The following PLCH2 variants were observed in gnomAD, a reference collection of about 807,000 sequenced individuals.
PLCH2 encodes the protein phospholipase C eta 2.
A neutral mutation model predicts 134.7 loss-of-function variants in PLCH2; 98 were observed. The ratio of observed to expected loss-of-function variants is 0.73; its 90% CI spans 0.62 to 0.86. PLCH2 has a LOEUF of 0.86. Ranked by LOEUF, PLCH2 falls within the 40% of genes least tolerant of loss-of-function variation. PLCH2 has a pLI of 0.00. For missense variants in PLCH2, 1,994 were observed against 1,986.6 expected (o/e 1.00, Z -0.07); for synonymous variants, 974 against 827.5 (o/e 1.18, Z -3.04).
chr1:2,504,271 G>A lies in PLCH2; in HGVS notation c.3309G>A (p.Glu1103=), dbSNP rs554728664. 1.9e-6 allele frequency: 3 copies of A among 1,592,586 alleles called. No individual in the cohort carries two copies. In the South Asian group the frequency reaches 3.4e-5, roughly 18 times the overall value. The change falls in exon 22 of 22, where the codon GAG becomes GAA. Residue 1103 remains glutamate, a synonymous_variant. Transcript: ENST00000378486. ...RVKSEGQVPT[E]PLGGWRPLAA... ...AGAGTGAGGGGCAGGTGCCCACGGAGCCCCTGGGAGGGTGGCGGCCCCTGG... is the reference window on the plus strand; with the variant it reads ...AGAGTGAGGGGCAGGTGCCCACGGAACCCCTGGGAGGGTGGCGGCCCCTGG...
At chr1:2,423,466 G>T (rs894769165), upstream of PLCH2, among the ~76,000 whole-genome samples, 4 of 152,210 alleles carry the variant, frequency 2.6e-5, no homozygotes, top group African/African-American at 7.2e-5. Context: ...AGACAGCAGG[G>T]TTTGCAGCAG....
At chr1:2,454,529 T>G (rs1195234687) in intron 2 of PLCH2, among the ~76,000 whole-genome samples, 1 of 152,140 alleles carries the variant, frequency 6.6e-6, no homozygotes, top group Non-Finnish European at 1.5e-5. Flanking sequence ...GAACCAGCAA[T>G]GCACCGAGTG....
Position 2,439,249 on chromosome 1 carries a change from C to T in PLCH2, c.115+8620C>T, listed in dbSNP as rs961293031. 1.3e-5 allele frequency among the ~76,000 whole-genome samples: 2 copies of T among 152,154 alleles called. No individual in the cohort carries two copies. Among genetic ancestry groups the T allele is most frequent in the Non-Finnish European group, 2.9e-5 (2 of 68,036 alleles). On this transcript the variant is annotated intron_variant, in intron 2 of 3. Coordinates refer to the PLCH2 transcript ENST00000609981. This position sits in a 1 kb window ranked among gnomAD's most constrained non-coding sequence, Gnocchi z 4.7. The stretch of plus-strand genomic sequence containing the variant: ...AGTGCCTATAAAGACCTTTGGCCCC[C>T]CCGAGGGTGTCCTCACCCTTCTCGC...
chr1:2,483,634 T>C (rs1379734972), intron 4 of PLCH2, among the ~76,000 whole-genome samples: 2 of 152,076 alleles, frequency 1.3e-5, no homozygotes, highest in Non-Finnish European at 2.9e-5. Flanking sequence ...TCCTTAGGGC[T>C]CAAGGATTTC....
chr1:2,480,162 G>A (rs757919130), intron 3 of PLCH2, 21 bp from the exon 4 acceptor site: 4 of 1,612,354 alleles, frequency 2.5e-6, no homozygotes, highest in Non-Finnish European at 3.4e-6. Context: ...GATCGCTGTT[G>A]GCCCCTAACT....
Position 2,484,439 on chromosome 1 carries a change from G to A in PLCH2, c.646-9G>A, listed in dbSNP as rs757233993. The A allele has an allele frequency of 2.7e-5, 43 of 1,612,846 alleles. No homozygotes were observed. The South Asian group carries it at 2.9e-4, about 11-fold the overall frequency. ...GGTGCCAATGGGGACCCAAGGCCTT[G>A]CATTGCAGGAAGCGGACACGGATGA... On this transcript the variant is annotated splice_polypyrimidine_tract_variant and intron_variant, in intron 4 of 21. Coordinates refer to ENST00000378486, the MANE Select transcript of PLCH2 (RefSeq NM_014638.4).
intron 2 of PLCH2, among the ~76,000 whole-genome samples, chr1:2,459,458 TGGTGG>T (rs1640677085): frequency 2.0e-5 from 1 of 50,136 alleles, no homozygotes; most frequent in Non-Finnish European, 3.9e-5. Flanking sequence ...TCCTCCTTCC[TGGTGG>T]TTCTCCTTCC....
chr1:2,490,434 G>A (rs139326008), intron 10 of PLCH2, among the ~76,000 whole-genome samples: 40 of 152,018 alleles, frequency 2.6e-4, no homozygotes, highest in African/African-American at 9.1e-4. Flanking sequence ...GGGCCAGGGT[G>A]GGGGGCTGCA....
At chr1:2,468,478 G>A (rs1242992472) in intron 1 of PLCH2, among the ~76,000 whole-genome samples, 1 of 96,446 alleles carries the variant, frequency 1.0e-5, no homozygotes, top group Non-Finnish European at 1.8e-5. Flanking sequence ...CTGGGGCAGG[G>A]TCTACAGCTC....
At position 2,503,923 on chromosome 1, in the gene PLCH2, CA is replaced by C; in HGVS notation, c.2962del (p.Thr988ProfsTer58). On this transcript the variant is annotated frameshift_variant and splice_region_variant, in exon 22 of 22. Coordinates refer to ENST00000378486, the MANE Select transcript of PLCH2 (RefSeq NM_014638.4). LOFTEE classifies it high-confidence loss of function. ...EGPGSGSPRD[T>X]RPLSTQRPLP... ...TCTCACTCCCCCACCTCCCCACAGACACCCGCCCCCTCTCCACGCAGCGGCC... is the reference window on the plus strand; with the variant it reads ...TCTCACTCCCCCACCTCCCCACAGACCCCGCCCCCTCTCCACGCAGCGGCC... 1.1e-6 allele frequency: 1 copy of C among 876,026 alleles called. No homozygotes were observed. Among genetic ancestry groups the C allele is most frequent in the Non-Finnish European group, 1.8e-6 (1 of 563,996 alleles). 54.3% of individuals were successfully genotyped at this position (876,026 alleles called of 1,614,324 possible).
In PLCH2 at chr1:2,480,252, G is replaced by T. The variant is rs1641889534; in HGVS notation, c.585G>T (p.Leu195=). 6.2e-7 allele frequency: 1 copy of T among 1,612,788 alleles called. No individual in the cohort carries two copies. Among genetic ancestry groups the T allele is most frequent in the South Asian group, 1.1e-5 (1 of 91,082 alleles). The change falls in exon 4 of 22, where the codon CTG becomes CTT. Residue 195 remains leucine (L), a synonymous_variant. Coordinates refer to ENST00000378486, the MANE Select transcript of PLCH2 (RefSeq NM_014638.4). ...GCAGCCTGAGCATTGGCGAGGTCCT[G>T]CAGCTGCTGCACAAGCTCAACGTGA... ...GDGSLSIGEV[L]QLLHKLNVNL...
chr1:2,418,223 T>C, the PLCH2 span, among the ~76,000 whole-genome samples: 1 of 152,214 alleles, frequency 6.6e-6, no homozygotes, highest in African/African-American at 2.4e-5. Context: ...TTTTGTTTTT[T>C]GGAAACTGCA....
At chr1:2,503,456 GC>G in intron 21 of PLCH2, 1 of 602,902 alleles carries the variant, frequency 1.7e-6, no homozygotes, top group Admixed American at 2.9e-5. Flanking sequence ...GATTCCCTGG[GC>G]CCCAGGGCTT....
chr1:2,491,096 T>TAGA (rs1642551748), intron 10 of PLCH2, 96 bp from the exon 11 acceptor site: 2 of 1,235,374 alleles, frequency 1.6e-6, no homozygotes, highest in Non-Finnish European at 2.2e-6. Context: ...TCCCTGAGCC[T>TAGA]GGGGTGGGCA....
chr1:2,417,699 G>A, the PLCH2 span, among the ~76,000 whole-genome samples: 2 of 152,188 alleles, frequency 1.3e-5, no homozygotes, highest in African/African-American at 4.8e-5. Context: ...GGGCACCTGG[G>A]AGCCACCTCC....
Position 2,502,075 on chromosome 1 carries a change from C to T in PLCH2, c.2662-37C>T, listed in dbSNP as rs947421429. 7.1e-6 allele frequency: 10 copies of T among 1,411,044 alleles called. No homozygotes were observed. In the South Asian group the frequency reaches 1.4e-4, roughly 19 times the overall value. The allele number at this position is 1,411,044 out of a possible 1,614,324, so 87.4% of individuals were successfully genotyped here. ...GGGAGCAGCTGCAGCTGGGCTGGGA[C>T]CCCTGGCAACAGCTACATGGGCTCC... On this transcript the variant is annotated intron_variant, in intron 20 of 21. Coordinates refer to ENST00000378486, the MANE Select transcript of PLCH2 (RefSeq NM_014638.4).
chr1:2,446,707 AGAGCTGGCCAACCTGGGCCCAT>A (rs1318941745), intron 2 of PLCH2, among the ~76,000 whole-genome samples: 1 of 152,178 alleles, frequency 6.6e-6, no homozygotes, highest in Non-Finnish European at 1.5e-5. Context: ...AGCCCAGCTG[AGAGCTGGCCAACCTGGGCCCAT>A]GCAGAGGGGT....
chr1:2,496,753 C>G, intron 14 of PLCH2, 49 bp downstream of exon 14: 1 of 1,610,770 alleles, frequency 6.2e-7, no homozygotes, highest in Non-Finnish European at 8.5e-7. Flanking sequence ...TCCCTGTCCC[C>G]CATCCCTGCT....
chr1:2,417,495 G>T, the PLCH2 span, among the ~76,000 whole-genome samples: 1 of 152,180 alleles, frequency 6.6e-6, no homozygotes. Context: ...GTTCCCAGGA[G>T]AGTGAGCCCA....
Sources: allele counts gnomAD v4.1 joint callset (sites outside exome capture counted in the v4.1 genomes callset), GRCh38; gene constraint gnomAD v4.1.1; non-coding constraint Gnocchi (gnomAD v3.1); transcripts MANE v1.5; gene names NCBI Gene and HGNC (gene_info 2026-07-23, HGNC 2026-07-21).